KATNAL2: variants seen among roughly 807,000 people sequenced by gnomAD.
The protein encoded by KATNAL2 is katanin catalytic subunit A1 like 2.
KATNAL2 carries 52 observed loss-of-function variants against 76.3 expected under a neutral mutation model. That is an observed-to-expected ratio of 0.68 (90% CI 0.55 to 0.86). The LOEUF (loss-of-function observed/expected upper bound fraction) is 0.86. Among genes scored for constraint, KATNAL2 ranks in the 40% least tolerant of loss-of-function variants. The pLI, the probability that KATNAL2 is intolerant of heterozygous loss-of-function variation, is 0.00. For missense variants in KATNAL2, 660 were observed against 668.9 expected (o/e 0.99, Z 0.15); for synonymous variants, 243 against 244.2 (o/e 1.00, Z 0.05).
At chr18:47,046,777 GTTTACATTA>G in intron 4 of KATNAL2, among the ~76,000 whole-genome samples, 1 of 152,066 alleles carries the variant, frequency 6.6e-6, no homozygotes. Flanking sequence ...GAAGTCCATA[GTTTACATTA>G]GGGTATACTC....
intron 15 of KATNAL2, among the ~76,000 whole-genome samples, chr18:47,090,562 A>T (rs1271273859): frequency 1.3e-5 from 2 of 152,192 alleles, no homozygotes; most frequent in Admixed American, 1.3e-4. Flanking sequence ...TGAGGCGGAG[A>T]TGCAGCCAGC....
chr18:46,931,585 G>A (rs2058923760), intron 1 of KATNAL2, among the ~76,000 whole-genome samples: 2 of 151,926 alleles, frequency 1.3e-5, no homozygotes, highest in South Asian at 4.2e-4. Context: ...TTCAGGAGGC[G>A]GAGGTTGCAG....
At chr18:47,093,730 C>T (rs1191331931) in intron 15 of KATNAL2, among the ~76,000 whole-genome samples, 2 of 152,032 alleles carry the variant, frequency 1.3e-5, no homozygotes, top group Admixed American at 6.5e-5. Flanking sequence ...AGGCTGGATT[C>T]GAACTCCTGG....
rs544748350 is a variant in KATNAL2, at chr18:46,948,885, G to C, written c.51+1962G>C. 9.1e-5 allele frequency among the ~76,000 whole-genome samples: 9 copies of C among 99,244 alleles called. No homozygotes were observed. The South Asian group carries it at 1.6e-3, about 17-fold the overall frequency. The allele number at this position is 99,244 out of a possible 152,430, so 65.1% of individuals were successfully genotyped here. On this transcript the variant is annotated intron_variant, in intron 3 of 17. Transcript: ENST00000683218. ...ATCTACTGGGGTGTTGCAAGTATCTGCATTGTGTGTGTGTGTGTGTGTGTG... is the reference window on the plus strand; with the variant it reads ...ATCTACTGGGGTGTTGCAAGTATCTCCATTGTGTGTGTGTGTGTGTGTGTG...
intron 13 of KATNAL2, among the ~76,000 whole-genome samples, chr18:47,071,447 G>A (rs1422311735): frequency 6.6e-6 from 1 of 152,100 alleles, no homozygotes; most frequent in Non-Finnish European, 1.5e-5. Flanking sequence ...TCTTCCATAT[G>A]CCTAGAGACG....
intron 3 of KATNAL2, among the ~76,000 whole-genome samples, chr18:47,037,272 T>C (rs72921319): frequency 0.01 from 1,573 of 152,332 alleles, 14 homozygotes; most frequent in Non-Finnish European, 0.017. Flanking sequence ...TTCCTTTTCC[T>C]CAGGCTATGG....
intron 3 of KATNAL2, among the ~76,000 whole-genome samples, chr18:47,041,145 C>A (rs1412551622): frequency 6.6e-6 from 1 of 152,204 alleles, no homozygotes; most frequent in African/African-American, 2.4e-5. Flanking sequence ...CACCTTCCCC[C>A]ACTGTCAACA....
chr18:47,086,486 T>C (rs2062779288), intron 15 of KATNAL2, among the ~76,000 whole-genome samples: 1 of 152,174 alleles, frequency 6.6e-6, no homozygotes, highest in South Asian at 2.1e-4. Context: ...CAGCTAATTT[T>C]TTGTATTTTT....
intron 3 of KATNAL2, among the ~76,000 whole-genome samples, chr18:47,031,399 C>G (rs893505454): frequency 6.6e-6 from 1 of 150,466 alleles, no homozygotes; most frequent in Non-Finnish European, 1.5e-5. Flanking sequence ...TCTCGTGTGA[C>G]TTTTTTTGTG....
intron 3 of KATNAL2, among the ~76,000 whole-genome samples, chr18:47,045,062 G>A (rs1333214908): frequency 6.6e-6 from 1 of 151,376 alleles, no homozygotes; most frequent in Non-Finnish European, 1.5e-5. Flanking sequence ...CCATACCACT[G>A]TACTCCAGCC....
chr18:46,959,081 T>G (rs1485105453), intron 3 of KATNAL2, among the ~76,000 whole-genome samples: 1 of 152,228 alleles, frequency 6.6e-6, no homozygotes, highest in Non-Finnish European at 1.5e-5. Flanking sequence ...AAAGAGTAAT[T>G]GAAAATTTAA....
At chr18:46,955,192 T>C (rs1489958790) in intron 3 of KATNAL2, among the ~76,000 whole-genome samples, 1 of 148,374 alleles carries the variant, frequency 6.7e-6, no homozygotes, top group Non-Finnish European at 1.5e-5. Flanking sequence ...CTTTCCTCTC[T>C]CTTTTTCTTT....
intron 1 of KATNAL2, among the ~76,000 whole-genome samples, chr18:46,928,381 C>A (rs1048934182): frequency 6.6e-6 from 1 of 152,182 alleles, no homozygotes; most frequent in Non-Finnish European, 1.5e-5. Flanking sequence ...GTATCAGCAG[C>A]GGTGGCTGCA....
intron 1 of KATNAL2, among the ~76,000 whole-genome samples, chr18:46,945,849 A>T (rs1218688902): frequency 6.6e-6 from 1 of 152,218 alleles, no homozygotes. Flanking sequence ...AAAGAATATT[A>T]AATAATCTGT....
At chr18:46,948,844 A>G (rs1036116001) in intron 3 of KATNAL2, among the ~76,000 whole-genome samples, 2 of 151,826 alleles carry the variant, frequency 1.3e-5, no homozygotes, top group Non-Finnish European at 2.9e-5. Context: ...CAATGGATCA[A>G]CTGATTACTT....
intron 15 of KATNAL2, among the ~76,000 whole-genome samples, chr18:47,094,486 G>A (rs1268123794): frequency 6.6e-5 from 10 of 152,162 alleles, no homozygotes; most frequent in Non-Finnish European, 4.4e-5. Flanking sequence ...GTTGGGCTCT[G>A]TCTTCAAGTT....
At chr18:47,042,104 G>T (rs2060985273) in intron 3 of KATNAL2, among the ~76,000 whole-genome samples, 1 of 152,108 alleles carries the variant, frequency 6.6e-6, no homozygotes, top group Admixed American at 6.5e-5. Context: ...TTGGATACCA[G>T]TCCTTTATCA....
intron 3 of KATNAL2, among the ~76,000 whole-genome samples, chr18:46,961,291 G>A (rs537925416): frequency 3.2e-4 from 49 of 152,222 alleles, no homozygotes; most frequent in Non-Finnish European, 1.3e-4. Flanking sequence ...AGGGGCGGTG[G>A]GGGTGGGGGT....
intron 15 of KATNAL2, among the ~76,000 whole-genome samples, chr18:47,086,097 T>TA (rs890836494): frequency 8.0e-5 from 12 of 150,872 alleles, no homozygotes; most frequent in East Asian, 1.9e-4. Flanking sequence ...CCCTGTCTCT[T>TA]AAAAAAAAAT....
Sources: gnomAD v4.1 joint callset for allele counts (sites outside exome capture counted in the v4.1 genomes callset) on GRCh38, gnomAD v4.1.1 for gene constraint, MANE v1.5 for transcripts, NCBI Gene and HGNC (gene_info 2026-07-23, HGNC 2026-07-21) for gene names.